The following FAM193A variants were observed in gnomAD, a reference collection of about 807,000 sequenced individuals.
The protein encoded by FAM193A is family with sequence similarity 193 member A, also known as protein FAM193A.
In FAM193A, 22 loss-of-function variants were observed where a neutral mutation model predicts 126.5. The observed-to-expected ratio is 0.17, with a 90% CI of 0.12 to 0.25. The LOEUF (loss-of-function observed/expected upper bound fraction) is 0.25. Among genes scored for constraint, FAM193A ranks in the 10% least tolerant of loss-of-function variants. The pLI, the probability that FAM193A is intolerant of heterozygous loss-of-function variation, is 1.00. For missense variants in FAM193A, 1,675 were observed against 1,672.8 expected (o/e 1.00, Z -0.02); for synonymous variants, 761 against 646.8 (o/e 1.18, Z -2.68).
intron 12 of FAM193A, among the ~76,000 whole-genome samples, chr4:2,667,431 A>G (rs1370267413): frequency 3.3e-5 from 5 of 152,180 alleles, no homozygotes; most frequent in Admixed American, 6.5e-5. Context: ...GAAGCCTTCA[A>G]GTTTAACTGT....
chr4:2,644,267 A>G (rs571367298), intron 6 of FAM193A, among the ~76,000 whole-genome samples: 2 of 152,256 alleles, frequency 1.3e-5, no homozygotes, highest in East Asian at 1.9e-4. Flanking sequence ...TCTGAATTCT[A>G]TAACTTGGAA....
At chr4:2,588,821 A>G (rs73207333) in intron 1 of FAM193A, among the ~76,000 whole-genome samples, 2,404 of 152,288 alleles carry the variant, frequency 0.016, 33 homozygotes, top group Middle Eastern at 0.037. Flanking sequence ...AAGGGTTACA[A>G]ACTGCAGTGT....
rs73080320 is a variant in FAM193A, at chr4:2,705,222, A to G, written c.4372+4678A>G. Reference sequence around the variant, plus strand: ...ACCGCACCCAGCCAAGAATTTTTTTATATGGTAGGGACATTAGCCTTTTAC... The same window carrying G: ...ACCGCACCCAGCCAAGAATTTTTTTGTATGGTAGGGACATTAGCCTTTTAC... On this transcript the variant is annotated intron_variant, in intron 19 of 20. Transcript: ENST00000637812. Among the ~76,000 whole-genome samples, 1,230 of 152,194 alleles carry G rather than the reference A, an allele frequency of 8.1e-3. 16 individuals are homozygous for G. Among genetic ancestry groups the G allele is most frequent in the African/African-American group, 0.028 (1,176 of 41,544 alleles).
At chr4:2,725,449 C>CAA (rs1720625950) in intron 20 of FAM193A, among the ~76,000 whole-genome samples, 3 of 81,834 alleles carry the variant, frequency 3.7e-5, no homozygotes, top group African/African-American at 1.7e-4. Context: ...GACCCTGTCT[C>CAA]CAAAAAAAAA....
intron 2 of FAM193A, among the ~76,000 whole-genome samples, chr4:2,598,668 T>C (rs1273724932): frequency 6.6e-6 from 1 of 152,354 alleles, no homozygotes; most frequent in East Asian, 1.9e-4. Flanking sequence ...TTTCTCTTGT[T>C]CTGTTTGGTC....
intron 12 of FAM193A, among the ~76,000 whole-genome samples, chr4:2,666,215 A>G (rs529019019): frequency 2.2e-4 from 33 of 152,152 alleles, no homozygotes; most frequent in Admixed American, 8.5e-4. Context: ...ATTGAATTGT[A>G]TTGAATATTG....
At chr4:2,606,983 T>C (rs568093634) in intron 2 of FAM193A, among the ~76,000 whole-genome samples, 66 of 152,314 alleles carry the variant, frequency 4.3e-4, no homozygotes, top group African/African-American at 1.6e-3. Context: ...CTGACAAATA[T>C]CCAAGTCCAA....
At chr4:2,605,409 T>C (rs1741477120) in intron 2 of FAM193A, among the ~76,000 whole-genome samples, 1 of 152,230 alleles carries the variant, frequency 6.6e-6, no homozygotes, top group Non-Finnish European at 1.5e-5. Context: ...CTGTGTGTTA[T>C]TTTATGTCTT....
At chr4:2,643,867 A>G (rs1408609067) in intron 6 of FAM193A, among the ~76,000 whole-genome samples, 1 of 152,214 alleles carries the variant, frequency 6.6e-6, no homozygotes, top group Non-Finnish European at 1.5e-5. Flanking sequence ...TGCATCCCTC[A>G]GGCCTGCTTC....
intron 19 of FAM193A, among the ~76,000 whole-genome samples, chr4:2,704,564 G>GA (rs1213681381): frequency 2.0e-4 from 30 of 150,018 alleles, no homozygotes; most frequent in Admixed American, 6.7e-4. Context: ...GACCCTATCT[G>GA]AAAAAAAAAT....
At position 2,641,944 on chromosome 4, in the gene FAM193A, G is replaced by GA. The variant is rs200479200; in HGVS notation, c.1163+2094dup. Among the ~76,000 whole-genome samples the GA allele has an allele frequency of 4.6e-4, 67 of 146,254 alleles. No homozygotes were observed. In the East Asian group the frequency reaches 8.4e-3, roughly 18 times the overall value. ...CAGCGAGACCCCATCTCTTAAAAAA[G>GA]AAAAAAAAAGGGCCAGGTGCGGTGG... On this transcript the variant is annotated intron_variant, in intron 6 of 20. Transcript: ENST00000637812.
chr4:2,539,011 C>T (rs1012279716), intron 1 of FAM193A, among the ~76,000 whole-genome samples: 2 of 152,046 alleles, frequency 1.3e-5, no homozygotes, highest in African/African-American at 2.4e-5. Context: ...CTGCCTAACC[C>T]TCTCAAGTAG....
At chr4:2,617,973 T>C (rs1407824783) in intron 2 of FAM193A, among the ~76,000 whole-genome samples, 1 of 152,222 alleles carries the variant, frequency 6.6e-6, no homozygotes, top group Non-Finnish European at 1.5e-5. Context: ...TAACATTTCC[T>C]GTAGGCCAGG....
chr4:2,612,387 T>C (rs1236732653), intron 2 of FAM193A, among the ~76,000 whole-genome samples: 2 of 151,844 alleles, frequency 1.3e-5, no homozygotes, highest in Non-Finnish European at 2.9e-5. Context: ...TAATCCTAGC[T>C]ACTCGGGAGG....
At chr4:2,604,412 A>C (rs943293516) in intron 2 of FAM193A, among the ~76,000 whole-genome samples, 5 of 152,004 alleles carry the variant, frequency 3.3e-5, no homozygotes, top group African/African-American at 1.2e-4. Context: ...TAATCTGTCA[A>C]TTTCTGAGTG....
intron 19 of FAM193A, among the ~76,000 whole-genome samples, chr4:2,707,909 T>C (rs1038471164): frequency 6.6e-6 from 1 of 151,806 alleles, no homozygotes; most frequent in African/African-American, 2.4e-5. Flanking sequence ...ACCAGCACAC[T>C]CAACTAATTT....
chr4:2,712,466 G>A (rs745605262), intron 19 of FAM193A, among the ~76,000 whole-genome samples: 3 of 151,990 alleles, frequency 2.0e-5, no homozygotes, highest in Non-Finnish European at 2.9e-5. Context: ...TTGTGCCTGC[G>A]GCCTAAGTCC....
At chr4:2,678,859 C>T (rs1714763434) in intron 13 of FAM193A, among the ~76,000 whole-genome samples, 1 of 152,178 alleles carries the variant, frequency 6.6e-6, no homozygotes, top group Non-Finnish European at 1.5e-5. Flanking sequence ...AAAATCATAT[C>T]ATCTACAAAC....
At chr4:2,620,516 C>T (rs948109373) in intron 2 of FAM193A, among the ~76,000 whole-genome samples, 2 of 152,052 alleles carry the variant, frequency 1.3e-5, no homozygotes, top group African/African-American at 4.8e-5. Flanking sequence ...ATGGGCACCG[C>T]GCTCATAATC....
Sources: gnomAD v4.1 joint callset for allele counts (sites outside exome capture counted in the v4.1 genomes callset) on GRCh38, gnomAD v4.1.1 for gene constraint, MANE v1.5 for transcripts, NCBI Gene and HGNC (gene_info 2026-07-23, HGNC 2026-07-21) for gene names.